The following SENP7 variants were observed in gnomAD, a reference collection of about 807,000 sequenced individuals.
SENP7 encodes sentrin-specific protease 7.
Under a neutral mutation model 141.2 loss-of-function variants are expected in SENP7, and 64 were observed. The observed-to-expected ratio is 0.45, with a 90% CI of 0.37 to 0.56. SENP7 has a LOEUF of 0.56. SENP7 is among the 20% of genes least tolerant of loss of function. The pLI, the probability that SENP7 is intolerant of heterozygous loss-of-function variation, is 0.00. For missense variants in SENP7, 1,025 were observed against 1,212.2 expected (o/e 0.85, Z 2.29); for synonymous variants, 382 against 426.4 (o/e 0.90, Z 1.28).
At chr3:101,346,460 C>T (rs952302665) in intron 13 of SENP7, among the ~76,000 whole-genome samples, 3 of 152,122 alleles carry the variant, frequency 2.0e-5, no homozygotes, top group African/African-American at 4.8e-5. Context: ...CTTGCACACA[C>T]GTTTATAGCA....
At chr3:101,511,464 T>TA (rs1364600326) in intron 1 of SENP7, among the ~76,000 whole-genome samples, 1 of 152,216 alleles carries the variant, frequency 6.6e-6, no homozygotes, top group Admixed American at 6.5e-5. Flanking sequence ...TGACACCAGC[T>TA]AAGCATTGTG....
intron 11 of SENP7, chr3:101,357,291 G>A (rs577231342): frequency 5.9e-4 from 338 of 575,756 alleles, no homozygotes; most frequent in Admixed American, 6.9e-4. Flanking sequence ...GTGAGCCACC[G>A]CGAGGAGTGG....
chr3:101,396,193 T>A (rs2060963826), intron 6 of SENP7, among the ~76,000 whole-genome samples: 1 of 152,188 alleles, frequency 6.6e-6, no homozygotes, highest in Non-Finnish European at 1.5e-5. Context: ...AAATTCCACA[T>A]CTATTTAGAA....
intron 14 of SENP7, 92 bp downstream of exon 14, chr3:101,343,593 CA>C: frequency 7.4e-7 from 1 of 1,346,512 alleles, no homozygotes; most frequent in South Asian, 1.6e-5. Context: ...GCCCTTTTCA[CA>C]AAATGTAGCA....
intron 1 of SENP7, among the ~76,000 whole-genome samples, chr3:101,502,638 G>C (rs1481913355): frequency 6.7e-6 from 1 of 150,292 alleles, no homozygotes; most frequent in Non-Finnish European, 1.5e-5. Context: ...AAAAAGGTCA[G>C]GCACAGTGGT....
At chr3:101,421,294 A>C (rs2061785012) in intron 4 of SENP7, among the ~76,000 whole-genome samples, 2 of 152,104 alleles carry the variant, frequency 1.3e-5, no homozygotes, top group African/African-American at 2.4e-5. Context: ...GAGAGACGGC[A>C]AATGTGCCAA....
At chr3:101,436,198 C>A (rs1396617599) in intron 4 of SENP7, among the ~76,000 whole-genome samples, 1 of 151,976 alleles carries the variant, frequency 6.6e-6, no homozygotes, top group Non-Finnish European at 1.5e-5. Context: ...ATTAAGTGAT[C>A]CTGGGAAAAC....
intron 4 of SENP7, among the ~76,000 whole-genome samples, chr3:101,444,535 A>C (rs1168116538): frequency 6.6e-6 from 1 of 152,098 alleles, no homozygotes; most frequent in African/African-American, 2.4e-5. Flanking sequence ...AATGTGGCAC[A>C]TATACACCAT....
chr3:101,495,873 G>C (rs149011430), intron 2 of SENP7, among the ~76,000 whole-genome samples: 46 of 152,262 alleles, frequency 3.0e-4, no homozygotes, highest in African/African-American at 1.0e-3. Context: ...TACACATCCT[G>C]CAAGTGTACC....
chr3:101,440,381 G>C (rs9647352), intron 4 of SENP7, among the ~76,000 whole-genome samples: 14 of 90,974 alleles, frequency 1.5e-4, no homozygotes, highest in Admixed American at 2.4e-4. Context: ...CAGCATGCTC[G>C]TTAAGAGTCA....
rs2059390583 is a variant in SENP7, at chr3:101,343,938, G to A, written c.1854C>T (p.Phe618=). The change falls in exon 14 of 24, where the codon TTC becomes TTT. Residue 618 remains phenylalanine (F), a synonymous_variant. Transcript: ENST00000394095. The part of the protein sequence containing the change: ...VLSQQSKSSE[F]IFLELHNPVS... ...CAGGATTGTGTAGTTCAAGGAAAAT[G>A]AATTCACTAGATTTTGCTACAAAAG... 12 of 1,573,668 alleles carry A rather than the reference G, an allele frequency of 7.6e-6. No individual in the cohort carries two copies. Among genetic ancestry groups the A allele is most frequent in the African/African-American group, 1.4e-5 (1 of 73,270 alleles).
intron 1 of SENP7, among the ~76,000 whole-genome samples, chr3:101,510,843 C>CAAAAAAAAAAAAA (rs377579284): frequency 5.1e-5 from 4 of 78,336 alleles, no homozygotes; most frequent in Admixed American, 1.8e-4. Context: ...GACTCCATCT[C>CAAAAAAAAAAAAA]AAAAAAAAAA....
intron 11 of SENP7, chr3:101,357,280 C>T (rs1017298221): frequency 3.3e-5 from 18 of 541,810 alleles, no homozygotes; most frequent in South Asian, 2.9e-4. Context: ...AGATTACAGG[C>T]GTGAGCCACC....
chr3:101,452,170 C>T (rs1243570314), intron 4 of SENP7, among the ~76,000 whole-genome samples: 2 of 151,912 alleles, frequency 1.3e-5, no homozygotes, highest in Non-Finnish European at 2.9e-5. Flanking sequence ...ATGTGAAGGA[C>T]CTCTTCAAGG....
chr3:101,366,376 T>C (rs1366844845), intron 9 of SENP7, 54 bp downstream of exon 9: 3 of 1,308,874 alleles, frequency 2.3e-6, no homozygotes, highest in Non-Finnish European at 3.2e-6. Context: ...AATAAAAAAA[T>C]AACTAAGTAA....
chr3:101,455,952 CTAAAG>C (rs1353540746), intron 4 of SENP7, among the ~76,000 whole-genome samples: 1 of 152,102 alleles, frequency 6.6e-6, no homozygotes, highest in African/African-American at 2.4e-5. Context: ...TAGAGAAAAA[CTAAAG>C]TATAGACAAG....
chr3:101,424,713 C>T (rs908722354), intron 4 of SENP7, among the ~76,000 whole-genome samples: 2 of 152,070 alleles, frequency 1.3e-5, no homozygotes, highest in African/African-American at 4.8e-5. Context: ...ACTCCTGCTC[C>T]CCATCAGCCA....
At chr3:101,417,917 A>C in intron 4 of SENP7, 127 bp from the exon 5 acceptor site, 1 of 663,584 alleles carries the variant, frequency 1.5e-6, no homozygotes, top group Non-Finnish European at 2.5e-6. Context: ...AAATACCCTA[A>C]GAAAAAAGAA....
intron 5 of SENP7, among the ~76,000 whole-genome samples, chr3:101,400,993 G>A (rs2061122244): frequency 2.0e-5 from 3 of 151,910 alleles, no homozygotes; most frequent in African/African-American, 7.3e-5. Context: ...AGCTACTTGG[G>A]AAGCTGAGAG....
Sources: allele counts gnomAD v4.1 joint callset (sites outside exome capture counted in the v4.1 genomes callset), GRCh38; gene constraint gnomAD v4.1.1; transcripts MANE v1.5; gene names NCBI Gene and HGNC (gene_info 2026-07-23, HGNC 2026-07-21).